The following DNAJC15 variants were observed in gnomAD, a reference collection of about 807,000 sequenced individuals.
DNAJC15 encodes the protein dnaJ homolog subfamily C member 15.
Under a neutral mutation model 22.4 loss-of-function variants are expected in DNAJC15, and 27 were observed. The ratio of observed to expected loss-of-function variants is 1.20; its 90% CI spans 0.89 to 1.66. The LOEUF (loss-of-function observed/expected upper bound fraction) is 1.66, where lower values mean the gene tolerates loss of function less well. Among genes scored for constraint, DNAJC15 ranks in the 40% most tolerant of loss-of-function variants. The pLI, the probability that DNAJC15 is intolerant of heterozygous loss-of-function variation, is 0.00. For missense variants in DNAJC15, 208 were observed against 187.1 expected, an observed-to-expected ratio of 1.11 and a Z score of -0.65; for synonymous variants, 79 against 63.2, an observed-to-expected ratio of 1.25 and a Z score of -1.19.
intron 4 of DNAJC15, among the ~76,000 whole-genome samples, chr13:43,079,867 A>G (rs2040653665): frequency 6.6e-6 from 1 of 152,198 alleles, no homozygotes; most frequent in Non-Finnish European, 1.5e-5. Context: ...AAAGCTGTAT[A>G]AAATTCACTT....
At chr13:43,040,558 G>C (rs1342875319) in intron 1 of DNAJC15, among the ~76,000 whole-genome samples, 1 of 152,152 alleles carries the variant, frequency 6.6e-6, no homozygotes, top group Non-Finnish European at 1.5e-5. Context: ...GGGGTGGTTT[G>C]CCCCTCCACA....
intron 1 of DNAJC15, among the ~76,000 whole-genome samples, chr13:43,065,485 T>G (rs1324582841): frequency 6.6e-6 from 1 of 152,160 alleles, no homozygotes; most frequent in East Asian, 1.9e-4. Flanking sequence ...AAATCTAGAA[T>G]CAGTTCACTG....
chr13:43,044,213 A>C (rs1402263953), intron 1 of DNAJC15, among the ~76,000 whole-genome samples: 1 of 152,200 alleles, frequency 6.6e-6, no homozygotes, highest in Non-Finnish European at 1.5e-5. Flanking sequence ...AGACAGCATA[A>C]AACACTGAGT....
intron 3 of DNAJC15, among the ~76,000 whole-genome samples, chr13:43,069,377 T>G (rs2040598553): frequency 6.6e-6 from 1 of 152,188 alleles, no homozygotes; most frequent in Non-Finnish European, 1.5e-5. Context: ...GACATGGTTC[T>G]TGTCCTGATG....
chr13:43,083,928 G>A (rs150091153), intron 4 of DNAJC15, among the ~76,000 whole-genome samples: 63 of 152,278 alleles, frequency 4.1e-4, no homozygotes, highest in South Asian at 1.2e-3. Context: ...TTTACTCATG[G>A]AAGACTATTT....
At chr13:43,073,324 C>A (rs531473895) in intron 3 of DNAJC15, among the ~76,000 whole-genome samples, 1 of 152,272 alleles carries the variant, frequency 6.6e-6, no homozygotes, top group South Asian at 2.1e-4. Flanking sequence ...AGGTTGAGCA[C>A]CGTGTATATT....
chr13:43,046,344 G>A (rs903076447), intron 1 of DNAJC15, among the ~76,000 whole-genome samples: 2 of 151,108 alleles, frequency 1.3e-5, no homozygotes, highest in Non-Finnish European at 2.9e-5. Context: ...ACATAATTTC[G>A]GTCACCAGTA....
At chr13:43,075,005 C>T (rs1360153176) in intron 3 of DNAJC15, among the ~76,000 whole-genome samples, 1 of 152,154 alleles carries the variant, frequency 6.6e-6, no homozygotes, top group Non-Finnish European at 1.5e-5. Context: ...TGCCTGAGTG[C>T]AGATTTTAGT....
intron 1 of DNAJC15, among the ~76,000 whole-genome samples, chr13:43,044,090 A>G (rs1006873389): frequency 6.6e-6 from 1 of 152,140 alleles, no homozygotes; most frequent in African/African-American, 2.4e-5. Flanking sequence ...TCTTTTACCC[A>G]AATTATATTG....
chr13:43,072,649 T>G (rs1008281791), intron 3 of DNAJC15, among the ~76,000 whole-genome samples: 1 of 151,962 alleles, frequency 6.6e-6, no homozygotes, highest in Non-Finnish European at 1.5e-5. Context: ...CTGCAACTTC[T>G]GCCTCCTGAG....
At chr13:43,048,202 G>A (rs1489724346) in intron 1 of DNAJC15, among the ~76,000 whole-genome samples, 3 of 152,166 alleles carry the variant, frequency 2.0e-5, no homozygotes, top group African/African-American at 4.8e-5. Flanking sequence ...AACTTAGGCC[G>A]GGTGCATTGG....
intron 3 of DNAJC15, among the ~76,000 whole-genome samples, chr13:43,074,767 TAGGAAGC>T (rs1209479703): frequency 6.6e-6 from 1 of 152,232 alleles, no homozygotes; most frequent in Non-Finnish European, 1.5e-5. Flanking sequence ...TCTAGAAGTT[TAGGAAGC>T]ATGATTTTCT....
At chr13:43,106,008 G>A (rs1456573576) in intron 5 of DNAJC15, among the ~76,000 whole-genome samples, 1 of 152,118 alleles carries the variant, frequency 6.6e-6, no homozygotes, top group Non-Finnish European at 1.5e-5. Flanking sequence ...AGGGCAAAGA[G>A]GTAAATATAG....
chr13:43,088,957 A>T (rs918446018), intron 5 of DNAJC15, among the ~76,000 whole-genome samples: 2 of 151,992 alleles, frequency 1.3e-5, no homozygotes, highest in Non-Finnish European at 2.9e-5. Context: ...TTTTTGGTAA[A>T]GAGAAAATTT....
At chr13:43,076,090 A>G (rs1368158069) in intron 3 of DNAJC15, among the ~76,000 whole-genome samples, 1 of 152,132 alleles carries the variant, frequency 6.6e-6, no homozygotes, top group Non-Finnish European at 1.5e-5. Flanking sequence ...GCTTAACCCA[A>G]TTTGATTATC....
At chr13:43,030,057 A>C (rs909606528) in intron 1 of DNAJC15, among the ~76,000 whole-genome samples, 1 of 152,210 alleles carries the variant, frequency 6.6e-6, no homozygotes, top group Non-Finnish European at 1.5e-5. Context: ...GGAGAGGCCT[A>C]AAATGTCAGT....
At chr13:43,056,772 TG>T (rs2040533573) in intron 1 of DNAJC15, among the ~76,000 whole-genome samples, 1 of 152,218 alleles carries the variant, frequency 6.6e-6, no homozygotes. Context: ...TGTCCCTCTT[TG>T]TGTTTTTTAA....
rs907091539 is a variant in DNAJC15 at position 43,110,970 on chromosome 13, C to T, written c.*3722C>T. 1 of 152,222 alleles carries T rather than the reference C, an allele frequency of 6.6e-6. No homozygotes were observed. Among genetic ancestry groups the T allele is most frequent in the African/African-American group, 2.4e-5 (1 of 41,458 alleles). The allele number at this position is 152,222 out of a possible 1,614,324, so 9.4% of individuals were successfully genotyped here. A position where few individuals can be genotyped will look rare whatever the true frequency, so the allele number is the denominator to read the frequency against. Reference sequence around the variant, plus strand: ...TTAAGCTCTGTTGATATTGCAGTTTCTGTGCATACTTACATCTTAGATGCA... The same window carrying T: ...TTAAGCTCTGTTGATATTGCAGTTTTTGTGCATACTTACATCTTAGATGCA... On this transcript the variant is annotated 3_prime_UTR_variant, in exon 6 of 6. Coordinates refer to ENST00000379221, the MANE Select transcript of DNAJC15 (RefSeq NM_013238.3).
At chr13:43,034,305 CTTTTTT>C (rs753362468) in intron 1 of DNAJC15, among the ~76,000 whole-genome samples, 34 of 60,610 alleles carry the variant, frequency 5.6e-4, no homozygotes, top group African/African-American at 2.1e-3. Flanking sequence ...GAGATTTGTC[CTTTTTT>C]TTTTTTTTTT....
Sources: gnomAD v4.1 joint callset for allele counts (sites outside exome capture counted in the v4.1 genomes callset) on GRCh38, gnomAD v4.1.1 for gene constraint, MANE v1.5 for transcripts, NCBI Gene and HGNC (gene_info 2026-07-23, HGNC 2026-07-21) for gene names.